TMX3: variants seen among roughly 807,000 people sequenced by gnomAD.
TMX3 encodes protein disulfide-isomerase TMX3.
TMX3 carries 40 observed loss-of-function variants against 64.4 expected under a neutral mutation model. The observed-to-expected ratio is 0.62, with a 90% CI of 0.48 to 0.81. TMX3 has a LOEUF of 0.81. Among genes scored for constraint, TMX3 ranks in the 30% least tolerant of loss-of-function variants. The pLI is 0.00. For missense variants in TMX3, 497 were observed against 534.5 expected (o/e 0.93, Z 0.69); for synonymous variants, 189 against 175.7 (o/e 1.08, Z -0.60).
intron 4 of TMX3, among the ~76,000 whole-genome samples, chr18:68,706,040 CTTT>C (rs1395316402): frequency 6.6e-6 from 1 of 152,230 alleles, no homozygotes; most frequent in Non-Finnish European, 1.5e-5. Flanking sequence ...ACATTCTACA[CTTT>C]GTGGTTTTCC....
chr18:68,702,748 C>A (rs1433631000), intron 4 of TMX3, among the ~76,000 whole-genome samples: 1 of 152,104 alleles, frequency 6.6e-6, no homozygotes, highest in Non-Finnish European at 1.5e-5. Context: ...CATCTGAATT[C>A]CAATTTAACA....
At chr18:68,691,759 T>C (rs772537438) in intron 8 of TMX3, among the ~76,000 whole-genome samples, 6 of 152,090 alleles carry the variant, frequency 3.9e-5, no homozygotes, top group Non-Finnish European at 7.4e-5. Flanking sequence ...ACAGAACAAT[T>C]AGGAGAGTTA....
intron 2 of TMX3, among the ~76,000 whole-genome samples, chr18:68,711,727 G>A (rs1417619478): frequency 1.3e-5 from 2 of 152,186 alleles, no homozygotes; most frequent in Non-Finnish European, 2.9e-5. Flanking sequence ...ACCAAAGGAA[G>A]CCTGAGGCTG....
At chr18:68,691,772 T>C (rs1914545956) in intron 8 of TMX3, among the ~76,000 whole-genome samples, 1 of 152,202 alleles carries the variant, frequency 6.6e-6, no homozygotes, top group African/African-American at 2.4e-5. Flanking sequence ...GAGAGTTATG[T>C]CAGATACCAT....
chr18:68,701,117 A>T, intron 5 of TMX3: 1 of 736,292 alleles, frequency 1.4e-6, no homozygotes, highest in Non-Finnish European at 1.7e-6. Context: ...GTAAGAGGCT[A>T]AGCAAACATT....
chr18:68,677,295 C>T (rs1913017849), intron 15 of TMX3, 102 bp from the exon 16 acceptor site: 1 of 1,322,078 alleles, frequency 7.6e-7, no homozygotes, highest in East Asian at 2.4e-5. Flanking sequence ...TGTTGCTATT[C>T]AGCTTGTTTT....
In TMX3 at chr18:68,685,139, T is replaced by C. The variant is rs142124373; in HGVS notation, c.737-654A>G. On this transcript the variant is annotated intron_variant, in intron 10 of 15. Coordinates refer to ENST00000299608, the MANE Select transcript of TMX3 (RefSeq NM_019022.5). The stretch of plus-strand genomic sequence containing the variant: ...CACTGCCATCAAGCAGTGTCTATCA[T>C]GTTCTAGGCACCATACCAAGCCACA... 4.9e-3 allele frequency among the ~76,000 whole-genome samples: 744 copies of C among 152,278 alleles called. 9 individuals carry two copies. Among genetic ancestry groups the C allele is most frequent in the African/African-American group, 0.017 (711 of 41,552 alleles).
intron 14 of TMX3, among the ~76,000 whole-genome samples, chr18:68,680,282 G>A (rs1054544386): frequency 9.2e-5 from 14 of 152,058 alleles, no homozygotes; most frequent in African/African-American, 9.7e-5. Flanking sequence ...CAATGAAGGC[G>A]CTTTCTTTTA....
At position 68,676,958 on chromosome 18, in the gene TMX3, T is replaced by C. The variant is rs767664525; in HGVS notation, c.1340A>G (p.Asp447Gly). ...SVVPTVQEPKDVLEKKKD is the reference protein window; with the variant it reads ...SVVPTVQEPKGVLEKKKD Reference sequence around the variant, plus strand: ...TCAATCTTTCTTCTTTTCTAATACATCCTTGGGCTCCTGCACTGTAGGCAC... The same window carrying C: ...TCAATCTTTCTTCTTTTCTAATACACCCTTGGGCTCCTGCACTGTAGGCAC... The change falls in exon 16 of 16, where the codon GAT (aspartate) becomes GGT (glycine). Residue 447 changes from aspartate to glycine, a missense_variant. By Grantham distance (94) the Asp-to-Gly change is moderately conservative. Coordinates refer to ENST00000299608, the MANE Select transcript of TMX3 (RefSeq NM_019022.5). 5.6e-6 allele frequency: 9 copies of C among 1,613,584 alleles called. No homozygotes were observed. The South Asian group carries it at 9.9e-5, about 18-fold the overall frequency.
Position 68,679,494 on chromosome 18 carries a change from CT to C in TMX3, c.1072del (p.Arg358GlufsTer2). ...GGDSILQRLK[R>X]IVFDAKSTIV... ...AGTAGATTTGGCATCAAATACTATT[CT>C]TTTCAATCTCTGCAAAATGCTATCA... On this transcript the variant is annotated frameshift_variant, in exon 15 of 16. Transcript: ENST00000299608. LOFTEE classifies it high-confidence loss of function. 1.2e-6 allele frequency: 2 copies of C among 1,612,312 alleles called. No homozygotes were observed. Among genetic ancestry groups the C allele is most frequent in the South Asian group, 2.2e-5 (2 of 90,838 alleles).
rs1236941901 is a variant in TMX3 at position 68,715,018 on chromosome 18, A to C, written c.-37T>G. The C allele has an allele frequency of 6.4e-7, 1 of 1,555,084 alleles. No homozygotes were observed. Among genetic ancestry groups the C allele is most frequent in the Admixed American group, 1.9e-5 (1 of 51,664 alleles). ...AGAGCTGCAGAAGCTGACTGTGCAA[A>C]AGAGGGATAAAGACACTGGGGTCCG... On this transcript the variant is annotated 5_prime_UTR_variant, in exon 1 of 16. Transcript: ENST00000299608.
intron 9 of TMX3, chr18:68,691,093 GT>G: frequency 5.0e-6 from 2 of 400,232 alleles, no homozygotes; most frequent in Non-Finnish European, 9.0e-6. Flanking sequence ...AAAGAATGTT[GT>G]GTAGGTAAAG....
chr18:68,694,897 A>T (rs1418299089), intron 8 of TMX3, among the ~76,000 whole-genome samples: 1 of 152,220 alleles, frequency 6.6e-6, no homozygotes, highest in Non-Finnish European at 1.5e-5. Flanking sequence ...TAAATCATGT[A>T]AAAGAAATGA....
At position 68,677,087 on chromosome 18, in the gene TMX3, C is replaced by A. The variant is rs766433749; in HGVS notation, c.1211G>T (p.Gly404Val). The A allele has an allele frequency of 6.2e-7, 1 of 1,613,804 alleles. No individual in the cohort carries two copies. Among genetic ancestry groups the A allele is most frequent in the Admixed American group, 1.7e-5 (1 of 59,986 alleles). Residue 404 changes from glycine to valine, a missense_variant, in exon 16 of 16, where the codon GGT becomes GTT. By Grantham distance (109) the Gly-to-Val change is moderately radical. Around this residue, in one of 3 missense-constraint regions of TMX3, gnomAD observed 94 missense variants for 75.8 expected, o/e 1.24. Transcript: ENST00000299608. The stretch of plus-strand genomic sequence containing the variant: ...CACTTCATATCGTTCTTCTATATAA[C>A]CTCCATCTGTGTCGGCTGTGTAGAT... ...YGIYTADTDG[G>V]YIEERYEVSK...
intron 1 of TMX3, 95 bp from the exon 2 acceptor site, chr18:68,713,995 C>A (rs1284430204): frequency 1.5e-5 from 11 of 745,896 alleles, no homozygotes; most frequent in Middle Eastern, 5.1e-4. Flanking sequence ...TGACCTTTCA[C>A]AACCTACCAA....
intron 12 of TMX3, 88 bp downstream of exon 12, chr18:68,684,102 A>G: frequency 1.1e-6 from 1 of 941,556 alleles, no homozygotes; most frequent in South Asian, 1.5e-5. Flanking sequence ...TCACCTCTAA[A>G]AGCATGAATA....
In TMX3 at chr18:68,710,061, A is replaced by G. The variant is rs1568205457; in HGVS notation, c.225T>C (p.Ser75=). The stretch of plus-strand genomic sequence containing the variant: ...CATCCATCTTTCCAACCTTAACTGG[A>G]GAACCAATGCTTTTCATCTCAAGAC... ...EVGLEMKSIG[S]PVKVGKMDAT... The change falls in exon 4 of 16, where the codon TCT becomes TCC. Residue 75 remains serine, a synonymous_variant. Transcript: ENST00000299608. 3 of 1,601,428 alleles carry G rather than the reference A, an allele frequency of 1.9e-6. No homozygotes were observed. Among genetic ancestry groups the G allele is most frequent in the Non-Finnish European group, 2.6e-6 (3 of 1,174,234 alleles).
intron 2 of TMX3, among the ~76,000 whole-genome samples, chr18:68,711,868 G>A (rs370489299): frequency 2.5e-4 from 38 of 152,258 alleles, no homozygotes; most frequent in African/African-American, 8.7e-4. Flanking sequence ...AGAAATATTG[G>A]ATTGAGGAAT....
rs1045021736 is a variant in TMX3, at chr18:68,675,661, C to A, written c.*1272G>T. The A allele has an allele frequency of 3.3e-5, 5 of 151,978 alleles. No homozygotes were observed. The highest frequency in any genetic ancestry group is 1.2e-4 in the African/African-American group (5 of 41,366). 9.4% of individuals were successfully genotyped at this position (151,978 alleles called of 1,614,324 possible). On this transcript the variant is annotated 3_prime_UTR_variant, in exon 16 of 16. Coordinates refer to ENST00000299608, the MANE Select transcript of TMX3 (RefSeq NM_019022.5). ...GAATAACCACTCAAATCATAGTTGC[C>A]TAATATAAATTCTAAACTTAGCTAA...
Sources: allele counts gnomAD v4.1 joint callset (sites outside exome capture counted in the v4.1 genomes callset), GRCh38; gene constraint gnomAD v4.1.1; regional missense constraint gnomAD v4.1.1; transcripts MANE v1.5; gene names NCBI Gene and HGNC (gene_info 2026-07-23, HGNC 2026-07-21).